CPNE5: variants seen among roughly 807,000 people sequenced by gnomAD.
The protein encoded by CPNE5 is copine 5, also known as copine-5.
A neutral mutation model predicts 81.1 loss-of-function variants in CPNE5; 42 were observed. That is an observed-to-expected ratio of 0.52 (90% CI 0.40 to 0.67). The LOEUF (loss-of-function observed/expected upper bound fraction) is 0.67, where lower values mean the gene tolerates loss of function less well. Among genes scored for constraint, CPNE5 ranks in the 30% least tolerant of loss-of-function variants. The probability of loss-of-function intolerance (pLI) is 0.00; values close to 1 mark genes in which losing one functional copy is unlikely to be tolerated. For synonymous variants in CPNE5, 313 were observed against 321.5 expected, an observed-to-expected ratio of 0.97 and a Z score of 0.28; for missense variants, 612 against 815.5, an observed-to-expected ratio of 0.75 and a Z score of 3.04.
At chr6:36,770,555 G>T (rs1226223212) in intron 10 of CPNE5, among the ~76,000 whole-genome samples, 1 of 151,916 alleles carries the variant, frequency 6.6e-6, no homozygotes, top group Non-Finnish European at 1.5e-5. Context: ...CTCACAATAG[G>T]AGGGAATGAT....
intron 12 of CPNE5, among the ~76,000 whole-genome samples, chr6:36,759,158 A>T (rs1046850291): frequency 6.6e-6 from 1 of 152,210 alleles, no homozygotes; most frequent in Non-Finnish European, 1.5e-5. Flanking sequence ...GGCCACAAGC[A>T]TGTTTCTTCT....
chr6:36,810,569 C>G (rs1771012834), intron 3 of CPNE5, among the ~76,000 whole-genome samples: 1 of 152,160 alleles, frequency 6.6e-6, no homozygotes, highest in Non-Finnish European at 1.5e-5. Context: ...GAAGAGTGGC[C>G]TGAGATCTGG....
chr6:36,790,823 G>A (rs1294835258), intron 8 of CPNE5, among the ~76,000 whole-genome samples: 3 of 152,114 alleles, frequency 2.0e-5, no homozygotes, highest in African/African-American at 7.2e-5. Flanking sequence ...GATTACAGGC[G>A]TGAGCCACCG....
At chr6:36,818,143 A>C (rs1018734468) in intron 3 of CPNE5, among the ~76,000 whole-genome samples, 1 of 151,946 alleles carries the variant, frequency 6.6e-6, no homozygotes, top group Non-Finnish European at 1.5e-5. Context: ...CTTCCAACCC[A>C]TATCTCCTCT....
chr6:36,747,482 T>C (rs1242318195), intron 15 of CPNE5, among the ~76,000 whole-genome samples: 2 of 152,186 alleles, frequency 1.3e-5, no homozygotes, highest in African/African-American at 2.4e-5. Flanking sequence ...ACAGATGCTA[T>C]CGATATTATG....
intron 8 of CPNE5, among the ~76,000 whole-genome samples, chr6:36,791,065 G>A (rs913770317): frequency 1.8e-4 from 28 of 152,158 alleles, no homozygotes; most frequent in African/African-American, 6.3e-4. Context: ...ATGGGAAGCT[G>A]TGTTCCCAGG....
chr6:36,810,811 C>T (rs569924966), intron 3 of CPNE5, among the ~76,000 whole-genome samples: 2 of 152,256 alleles, frequency 1.3e-5, no homozygotes, highest in Admixed American at 6.5e-5. Context: ...TTTCGTAGGC[C>T]TGGTGACCTC....
rs563319729 is a variant in CPNE5 at position 36,741,839 on chromosome 6, C to T, written c.*429G>A. 2.0e-4 allele frequency: 35 copies of T among 171,784 alleles called. 2 individuals carry two copies. In the South Asian group the frequency reaches 6.1e-3, roughly 30 times the overall value. The allele number at this position is 171,784 out of a possible 1,614,324, so 10.6% of individuals were successfully genotyped here. ...ATCGGGCACAGGATAGACCACAGGG[C>T]GGGGCTCAGGGACAGGAGTAGACAC... On this transcript the variant is annotated 3_prime_UTR_variant, in exon 21 of 21. Coordinates refer to ENST00000244751, the MANE Select transcript of CPNE5 (RefSeq NM_020939.2).
intron 6 of CPNE5, among the ~76,000 whole-genome samples, chr6:36,796,584 T>C (rs1769598970): frequency 6.6e-6 from 1 of 152,264 alleles, no homozygotes; most frequent in Non-Finnish European, 1.5e-5. Context: ...CAGGGGCAGA[T>C]GTTCCTAGAG....
intron 3 of CPNE5, among the ~76,000 whole-genome samples, chr6:36,809,849 C>T (rs999615441): frequency 6.6e-6 from 1 of 151,836 alleles, no homozygotes; most frequent in Non-Finnish European, 1.5e-5. Flanking sequence ...CATCCCTGCT[C>T]AGGTTTCTCC....
At position 36,742,098 on chromosome 6, in the gene CPNE5, T is replaced by TAACTATAGTCATA; in HGVS notation, c.*169_*170insTATGACTATAGTT. 3.4e-6 allele frequency: 2 copies of TAACTATAGTCATA among 594,938 alleles called. No homozygotes were observed. Among genetic ancestry groups the TAACTATAGTCATA allele is most frequent in the Non-Finnish European group, 3.0e-6 (1 of 338,060 alleles). 36.9% of individuals were successfully genotyped at this position (594,938 alleles called of 1,614,324 possible). On this transcript the variant is annotated 3_prime_UTR_variant, in exon 21 of 21. Transcript: ENST00000244751. Reference sequence around the variant, plus strand: ...TAACTCCCTGGGTTTGGGCAATAAGTGAGGCCAAGAAATTGAGGAGGGGTC... The same window carrying TAACTATAGTCATA: ...TAACTCCCTGGGTTTGGGCAATAAGTAACTATAGTCATAGAGGCCAAGAAATTGAGGAGGGGTC...
At chr6:36,788,637 T>TAACA (rs1262381696) in intron 8 of CPNE5, among the ~76,000 whole-genome samples, 1 of 147,202 alleles carries the variant, frequency 6.8e-6, no homozygotes, top group East Asian at 1.9e-4. Context: ...TTACAGGCAG[T>TAACA]AACAATCGTT....
intron 10 of CPNE5, among the ~76,000 whole-genome samples, chr6:36,767,754 A>G (rs1766689098): frequency 6.6e-6 from 1 of 152,264 alleles, no homozygotes; most frequent in Non-Finnish European, 1.5e-5. Context: ...AGAGGGCCTA[A>G]TTTAATTGGT....
At position 36,742,364 on chromosome 6, in the gene CPNE5, G is replaced by A. The variant is rs1763643103; in HGVS notation, c.1686C>T (p.Gly562=). 2 of 1,613,402 alleles carry A rather than the reference G, an allele frequency of 1.2e-6. No homozygotes were observed. Among genetic ancestry groups the A allele is most frequent in the Admixed American group, 1.7e-5 (1 of 59,998 alleles). The change falls in exon 21 of 21, where the codon GGC becomes GGT. Residue 562 remains glycine, a synonymous_variant. Transcript: ENST00000244751. The part of the protein sequence containing the change: ...DQLVSYMKAQ[G]IRPRPPPAAP... ...CTGCGGGTGGGGGACGCGGGCGAAT[G>A]CCCTGTGCCTTCATGTAGGACACCA...
At chr6:36,774,613 G>A (rs566009171) in intron 10 of CPNE5, among the ~76,000 whole-genome samples, 69 of 152,318 alleles carry the variant, frequency 4.5e-4, no homozygotes, top group Middle Eastern at 6.8e-3. Context: ...CTGGGCACCC[G>A]GGACACCCAT....
At chr6:36,824,060 G>A (rs1043233257) in intron 1 of CPNE5, among the ~76,000 whole-genome samples, 2 of 152,198 alleles carry the variant, frequency 1.3e-5, no homozygotes, top group Non-Finnish European at 1.5e-5. Context: ...TCAGTACAAT[G>A]AGACGGTAGT....
At chr6:36,818,096 A>C (rs929250834) in intron 3 of CPNE5, among the ~76,000 whole-genome samples, 1 of 152,164 alleles carries the variant, frequency 6.6e-6, no homozygotes, top group African/African-American at 2.4e-5. Flanking sequence ...CCCCGTCTGT[A>C]GGATGAGGAG....
intron 12 of CPNE5, among the ~76,000 whole-genome samples, chr6:36,756,521 C>A (rs35607898): frequency 6.6e-6 from 1 of 151,966 alleles, no homozygotes. Context: ...CAGGGTCCCA[C>A]GATCAACCGG....
intron 12 of CPNE5, among the ~76,000 whole-genome samples, chr6:36,760,459 G>A (rs144028201): frequency 1.7e-4 from 26 of 152,292 alleles, no homozygotes; most frequent in African/African-American, 6.0e-4. Context: ...GGTGGAGTAC[G>A]CTGGTTACTG....
Sources: gnomAD v4.1 joint callset for allele counts (sites outside exome capture counted in the v4.1 genomes callset) on GRCh38, gnomAD v4.1.1 for gene constraint, MANE v1.5 for transcripts, NCBI Gene and HGNC (gene_info 2026-07-23, HGNC 2026-07-21) for gene names.